The following RNMT variants were observed in gnomAD, a reference collection of about 807,000 sequenced individuals.
The protein encoded by RNMT is mRNA cap guanine-N(7) methyltransferase.
In RNMT, 27 loss-of-function variants were observed where a neutral mutation model predicts 56.0. The observed-to-expected ratio is 0.48, with a 90% CI of 0.36 to 0.67. The LOEUF is 0.67. RNMT is among the 30% of genes least tolerant of loss of function. The pLI, the probability that RNMT is intolerant of heterozygous loss-of-function variation, is 0.00. For synonymous variants in RNMT, 184 were observed against 176.2 expected (o/e 1.04, Z -0.35); for missense variants, 519 against 552.1 (o/e 0.94, Z 0.60).
intron 7 of RNMT, among the ~76,000 whole-genome samples, chr18:13,741,949 C>T (rs1019693264): frequency 5.3e-5 from 8 of 152,278 alleles, no homozygotes; most frequent in African/African-American, 1.9e-4. Context: ...TACACAGGCA[C>T]AGAGATGAAC....
chr18:13,760,308 T>C lies in RNMT; in HGVS notation c.*329T>C. On this transcript the variant is annotated 3_prime_UTR_variant, in exon 12 of 12. Coordinates refer to ENST00000383314, the MANE Select transcript of RNMT (RefSeq NM_003799.3). ...AAACTCTTTCCACAGTGTTCAGATT[T>C]GTCCTGTGTGTGTTTACAGTATTCA... 9.5e-7 allele frequency: 1 copy of C among 1,057,572 alleles called. No homozygotes were observed. The highest frequency in any genetic ancestry group is 1.1e-6 in the Non-Finnish European group (1 of 875,332). The allele number at this position is 1,057,572 out of a possible 1,614,324, so 65.5% of individuals were successfully genotyped here.
chr18:13,734,562 A>G lies in RNMT; in HGVS notation c.516A>G (p.Leu172=), dbSNP rs148314363. The G allele has an allele frequency of 3.5e-5, 57 of 1,613,280 alleles. No individual in the cohort carries two copies. The highest frequency in any genetic ancestry group is 3.3e-4 in the Middle Eastern group (2 of 6,082). The change falls in exon 4 of 12, where the codon CTA becomes CTG. Residue 172 remains leucine, a synonymous_variant. Transcript: ENST00000383314. The part of the protein sequence containing the change: ...EKRSQSRIFY[L]RNFNNWMKSV... ...GTAGTCAAAGTCGTATTTTTTACCT[A>G]AGAAACTTTAATAATTGGATGAAAA... is the stretch of plus-strand genomic sequence containing the variant.
chr18:13,738,125 C>T (rs1334050637), intron 5 of RNMT, among the ~76,000 whole-genome samples: 1 of 152,106 alleles, frequency 6.6e-6, no homozygotes, highest in Admixed American at 6.6e-5. Flanking sequence ...TACTGAAGTA[C>T]TGCCCAAATT....
chr18:13,740,026 C>A, intron 5 of RNMT, 141 bp from the exon 6 acceptor site: 2 of 631,210 alleles, frequency 3.2e-6, no homozygotes, highest in South Asian at 3.8e-5. Flanking sequence ...GAACAAAGCC[C>A]TTTTCTTTTC....
chr18:13,760,070 T>A lies in RNMT; in HGVS notation c.*91T>A. ...ATATATTTGATATTTCTCTGTCTGT[T>A]GATTTTAATTCTAAATGTGCAGGAT... On this transcript the variant is annotated 3_prime_UTR_variant, in exon 12 of 12. Transcript: ENST00000383314. The A allele has an allele frequency of 1.3e-6, 2 of 1,533,768 alleles. No homozygotes were observed. The highest frequency in any genetic ancestry group is 1.8e-6 in the Non-Finnish European group (2 of 1,136,496).
At chr18:13,748,751 C>T (rs756372974) in intron 9 of RNMT, among the ~76,000 whole-genome samples, 8 of 152,152 alleles carry the variant, frequency 5.3e-5, no homozygotes, top group Non-Finnish European at 1.0e-4. Context: ...GGAAAAGTAA[C>T]TCCTTTTAGA....
chr18:13,750,286 A>G (rs769405659), intron 9 of RNMT, among the ~76,000 whole-genome samples: 4 of 152,032 alleles, frequency 2.6e-5, no homozygotes, highest in Non-Finnish European at 5.9e-5. Context: ...TGACTTTTTC[A>G]TTTGTATTAT....
chr18:13,742,359 C>G, intron 7 of RNMT, 129 bp from the exon 8 acceptor site: 1 of 763,292 alleles, frequency 1.3e-6, no homozygotes. Flanking sequence ...AAAAAGGTAG[C>G]CCAGATATAA....
chr18:13,727,696 TC>T (rs2043984855), intron 1 of RNMT, among the ~76,000 whole-genome samples: 1 of 152,226 alleles, frequency 6.6e-6, no homozygotes, highest in African/African-American at 2.4e-5. Flanking sequence ...AGATTTTATT[TC>T]TTCTGGGGTT....
chr18:13,744,430 TTCTAAA>T (rs2044318579), intron 8 of RNMT, among the ~76,000 whole-genome samples: 1 of 152,070 alleles, frequency 6.6e-6, no homozygotes, highest in Admixed American at 6.6e-5. Context: ...TTGGTTTCAT[TTCTAAA>T]GGGTTATTTT....
chr18:13,754,369 A>G (rs538825788), intron 11 of RNMT, among the ~76,000 whole-genome samples: 1 of 152,256 alleles, frequency 6.6e-6, no homozygotes, highest in Admixed American at 6.5e-5. Context: ...TTAGCCAGTC[A>G]TGGTGGCATG....
In RNMT at chr18:13,731,624, C is replaced by T. The variant is rs1429441267; in HGVS notation, c.107C>T (p.Thr36Ile). The change falls in exon 3 of 12, where the codon ACA becomes ATA. Residue 36 changes from threonine (T) to isoleucine (I), a missense_variant. Thr to Ile is a moderately conservative substitution (Grantham distance 89). Coordinates refer to ENST00000383314, the MANE Select transcript of RNMT (RefSeq NM_003799.3). Reference sequence around the variant, plus strand: ...TCTTCATTCAATATTAATGAAAACACAACAGCTTCTGGGACTGGGCTTTCT... The same window carrying T: ...TCTTCATTCAATATTAATGAAAACATAACAGCTTCTGGGACTGGGCTTTCT... ...TESSFNINEN[T>I]TASGTGLSEK... The T allele has an allele frequency of 2.5e-6, 4 of 1,613,952 alleles. No individual in the cohort carries two copies. The highest frequency in any genetic ancestry group is 3.4e-6 in the Non-Finnish European group (4 of 1,179,996).
chr18:13,755,572 T>G (rs1006383713), intron 11 of RNMT, among the ~76,000 whole-genome samples: 1 of 152,174 alleles, frequency 6.6e-6, no homozygotes, highest in Non-Finnish European at 1.5e-5. Context: ...TAAGACTTCC[T>G]GAGTTGGATA....
At chr18:13,738,840 A>T (rs1417921235) in intron 5 of RNMT, among the ~76,000 whole-genome samples, 2 of 152,204 alleles carry the variant, frequency 1.3e-5, no homozygotes, top group African/African-American at 4.8e-5. Flanking sequence ...AGCGATCCCT[A>T]ACCTTTTTGG....
At chr18:13,743,547 G>A (rs2044294079) in intron 8 of RNMT, among the ~76,000 whole-genome samples, 1 of 152,038 alleles carries the variant, frequency 6.6e-6, no homozygotes, top group South Asian at 2.1e-4. Context: ...CACAGGAAAA[G>A]CTGGGGGTAA....
intron 3 of RNMT, among the ~76,000 whole-genome samples, 182 bp downstream of exon 3, chr18:13,732,116 G>A (rs1414128300): frequency 6.6e-6 from 1 of 152,176 alleles, no homozygotes; most frequent in African/African-American, 2.4e-5. Flanking sequence ...AACATCTCCT[G>A]CTAATGAGAT....
intron 5 of RNMT, 81 bp downstream of exon 5, chr18:13,737,216 A>G (rs375616582): frequency 1.5e-6 from 2 of 1,311,788 alleles, no homozygotes; most frequent in East Asian, 2.4e-5. Context: ...AAATTGCAAG[A>G]TATCTGGGAC....
At chr18:13,734,659 T>G (rs2044130116) in intron 4 of RNMT, 60 bp downstream of exon 4, 3 of 1,401,664 alleles carry the variant, frequency 2.1e-6, no homozygotes, top group Non-Finnish European at 1.9e-6. Flanking sequence ...TATCAAACCT[T>G]GACTTTATAA....
At chr18:13,734,653 A>G in intron 4 of RNMT, 54 bp downstream of exon 4, 5 of 1,425,320 alleles carry the variant, frequency 3.5e-6, no homozygotes, top group Non-Finnish European at 3.8e-6. Flanking sequence ...TTTAATTATC[A>G]AACCTTGACT....
Sources: allele counts gnomAD v4.1 joint callset (sites outside exome capture counted in the v4.1 genomes callset), GRCh38; gene constraint gnomAD v4.1.1; transcripts MANE v1.5; gene names NCBI Gene and HGNC (gene_info 2026-07-23, HGNC 2026-07-21).